RANBP2: variants seen among roughly 807,000 people sequenced by gnomAD.
RANBP2 encodes E3 SUMO-protein ligase RanBP2.
In RANBP2, 57 loss-of-function variants were observed where a neutral mutation model predicts 303.6. That is an observed-to-expected ratio of 0.19 (90% confidence interval 0.15 to 0.23). The LOEUF (loss-of-function observed/expected upper bound fraction) is 0.23, where lower values mean the gene tolerates loss of function less well. Among genes scored for constraint, RANBP2 ranks in the 10% least tolerant of loss-of-function variants. The probability of loss-of-function intolerance (pLI) is 1.00; values close to 1 mark genes in which losing one functional copy is unlikely to be tolerated. For missense variants in RANBP2, 3,138 were observed against 3,780.8 expected, an observed-to-expected ratio of 0.83 and a Z score of 4.46; for synonymous variants, 1,167 against 1,301.5, an observed-to-expected ratio of 0.90 and a Z score of 2.23.
chr2:109,705,678 G>C, the RANBP2 span, among the ~76,000 whole-genome samples: 1 of 152,312 alleles, frequency 6.6e-6, no homozygotes, highest in African/African-American at 2.4e-5. Flanking sequence ...GACTCAGGCA[G>C]AACCATCCCT....
the RANBP2 span, among the ~76,000 whole-genome samples, chr2:109,118,554 G>A: frequency 6.6e-6 from 1 of 150,948 alleles, no homozygotes; most frequent in Non-Finnish European, 1.5e-5. Flanking sequence ...CACTCAGCTG[G>A]ACTGGCAAAA....
chr2:109,019,863 G>A, the RANBP2 span, among the ~76,000 whole-genome samples: 4 of 152,256 alleles, frequency 2.6e-5, no homozygotes, highest in South Asian at 8.3e-4. Flanking sequence ...CTGAGTTTTG[G>A]CTCCTGTTTC....
chr2:109,576,761 TA>T, the RANBP2 span, among the ~76,000 whole-genome samples: 1 of 152,160 alleles, frequency 6.6e-6, no homozygotes, highest in Non-Finnish European at 1.5e-5. Flanking sequence ...GCTAAATAAA[TA>T]ATATGCCATT....
At chr2:109,108,062 C>T in the RANBP2 span, among the ~76,000 whole-genome samples, 13 of 152,244 alleles carry the variant, frequency 8.5e-5, no homozygotes, top group African/African-American at 2.9e-4. Flanking sequence ...CCTGCCACCA[C>T]GCCCGGCCAG....
At chr2:109,342,464 G>A in the RANBP2 span, among the ~76,000 whole-genome samples, 9 of 152,334 alleles carry the variant, frequency 5.9e-5, 1 homozygote. Flanking sequence ...TAATTGTGAA[G>A]GGGGCCCTCC....
the RANBP2 span, among the ~76,000 whole-genome samples, chr2:109,570,067 A>T: frequency 6.6e-6 from 1 of 152,190 alleles, no homozygotes; most frequent in African/African-American, 2.4e-5. Context: ...AATGGGCCAA[A>T]TCAAGTAATT....
the RANBP2 span, among the ~76,000 whole-genome samples, chr2:109,687,436 C>A: frequency 1.3e-5 from 2 of 152,110 alleles, no homozygotes; most frequent in African/African-American, 4.8e-5. Context: ...CTCTGAGGAG[C>A]CCTGGTTTCT....
the RANBP2 span, among the ~76,000 whole-genome samples, chr2:109,737,774 C>T: frequency 6.6e-6 from 1 of 152,044 alleles, no homozygotes; most frequent in Non-Finnish European, 1.5e-5. Flanking sequence ...GCTATCTTAA[C>T]TGGGGTGAAA....
the RANBP2 span, among the ~76,000 whole-genome samples, chr2:109,630,448 C>T: frequency 3.3e-5 from 5 of 152,154 alleles, no homozygotes; most frequent in African/African-American, 1.2e-4. Context: ...CAGAATTATC[C>T]GCTCTAGCCA....
the RANBP2 span, among the ~76,000 whole-genome samples, chr2:109,417,694 T>G: frequency 3.3e-5 from 5 of 152,256 alleles, no homozygotes; most frequent in East Asian, 9.7e-4. Context: ...AGTCTCTCGG[T>G]TGCACCCGCT....
At chr2:109,323,646 G>T in the RANBP2 span, among the ~76,000 whole-genome samples, 1 of 152,210 alleles carries the variant, frequency 6.6e-6, no homozygotes, top group East Asian at 1.9e-4. Flanking sequence ...TGGTGAGGTT[G>T]AGCTGTGTGT....
chr2:109,298,094 C>T, the RANBP2 span, among the ~76,000 whole-genome samples: 1 of 152,194 alleles, frequency 6.6e-6, no homozygotes, highest in Non-Finnish European at 1.5e-5. Context: ...CCCACTCAAA[C>T]CTGCTTCTCA....
the RANBP2 span, among the ~76,000 whole-genome samples, chr2:108,932,940 G>T: frequency 2.2e-4 from 34 of 152,290 alleles, no homozygotes; most frequent in African/African-American, 7.2e-4. Context: ...TGGGGAGCAC[G>T]CCTGTCCTGC....
At chr2:109,115,929 T>G in the RANBP2 span, among the ~76,000 whole-genome samples, 54 of 152,346 alleles carry the variant, frequency 3.5e-4, no homozygotes, top group Middle Eastern at 3.4e-3. Flanking sequence ...GGTTGAAAAT[T>G]CTTTTCTTTA....
the RANBP2 span, among the ~76,000 whole-genome samples, chr2:109,193,501 A>G: frequency 1.3e-5 from 2 of 152,202 alleles, no homozygotes; most frequent in Non-Finnish European, 2.9e-5. Flanking sequence ...GAATGGAATC[A>G]TACAGTTTGC....
At chr2:109,216,238 A>G in the RANBP2 span, among the ~76,000 whole-genome samples, 18 of 152,196 alleles carry the variant, frequency 1.2e-4, no homozygotes, top group Non-Finnish European at 1.6e-4. Context: ...GCCTGCTTCC[A>G]GGTCCTAACT....
chr2:109,155,614 G>C, the RANBP2 span, among the ~76,000 whole-genome samples: 2 of 152,084 alleles, frequency 1.3e-5, no homozygotes, highest in African/African-American at 4.8e-5. Context: ...TCTTTGTTTT[G>C]ATGACACAAT....
At chr2:109,210,671 C>T in the RANBP2 span, among the ~76,000 whole-genome samples, 2 of 152,142 alleles carry the variant, frequency 1.3e-5, no homozygotes, top group Non-Finnish European at 2.9e-5. Flanking sequence ...GATGAGCTTA[C>T]TCCAGGTGGG....
chr2:108,987,880 A>C, the RANBP2 span, among the ~76,000 whole-genome samples: 1 of 152,246 alleles, frequency 6.6e-6, no homozygotes, highest in Non-Finnish European at 1.5e-5. Context: ...TATGACTTAC[A>C]AATCTCAGAG....
Sources: allele counts gnomAD v4.1 joint callset (sites outside exome capture counted in the v4.1 genomes callset), GRCh38; gene constraint gnomAD v4.1.1; transcripts MANE v1.5; gene names NCBI Gene and HGNC (gene_info 2026-07-23, HGNC 2026-07-21).